Variants in PTPN21 observed in about 807,000 individuals in gnomAD.
PTPN21 encodes the protein tyrosine-protein phosphatase non-receptor type 21.
PTPN21 carries 77 observed loss-of-function variants against 131.8 expected under a neutral mutation model. The observed-to-expected ratio is 0.58, with a 90% CI of 0.49 to 0.71. The LOEUF is 0.71. Among genes scored for constraint, PTPN21 ranks in the 30% least tolerant of loss-of-function variants. PTPN21 has a pLI of 0.00. For synonymous variants in PTPN21, 715 were observed against 621.3 expected, an observed-to-expected ratio of 1.15 and a Z score of -2.24; for missense variants, 1,552 against 1,527.1, an observed-to-expected ratio of 1.02 and a Z score of -0.27.
intron 13 of PTPN21, among the ~76,000 whole-genome samples, chr14:88,478,157 A>G (rs1310836137): frequency 6.6e-6 from 1 of 152,238 alleles, no homozygotes. Flanking sequence ...TGCTTGGCCC[A>G]TGGCAAATGC....
intron 9 of PTPN21, among the ~76,000 whole-genome samples, chr14:88,496,902 A>G (rs891709527): frequency 2.6e-5 from 4 of 152,328 alleles, no homozygotes; most frequent in Non-Finnish European, 4.4e-5. Context: ...TCATTTATCA[A>G]TGAAATTTAA....
intron 2 of PTPN21, among the ~76,000 whole-genome samples, chr14:88,517,666 A>ATATATACACATACG (rs2078296162): frequency 3.3e-4 from 2 of 5,988 alleles, no homozygotes; most frequent in African/African-American, 5.1e-4. Context: ...ATATACACAT[A>ATATATACACATACG]CACACACATA....
chr14:88,496,368 T>C, intron 10 of PTPN21, 45 bp downstream of exon 10: 1 of 1,493,702 alleles, frequency 6.7e-7, no homozygotes, highest in Non-Finnish European at 9.3e-7. Flanking sequence ...TTACAATTTC[T>C]AAATTCATTA....
At chr14:88,476,504 C>T (rs2077549407) in intron 13 of PTPN21, among the ~76,000 whole-genome samples, 1 of 152,142 alleles carries the variant, frequency 6.6e-6, no homozygotes, top group African/African-American at 2.4e-5. Context: ...AAAAGCAAAT[C>T]TTTGGTTAAA....
intron 10 of PTPN21, among the ~76,000 whole-genome samples, chr14:88,490,458 C>T (rs1314997531): frequency 1.3e-5 from 2 of 152,106 alleles, no homozygotes; most frequent in African/African-American, 2.4e-5. Flanking sequence ...TCCTCCTCTC[C>T]CCTCCCACCT....
chr14:88,490,455 C>T (rs1026620842), intron 10 of PTPN21, among the ~76,000 whole-genome samples: 5 of 152,154 alleles, frequency 3.3e-5, no homozygotes, highest in Non-Finnish European at 1.5e-5. Flanking sequence ...TGCTCCTCCT[C>T]TCCCCTCCCA....
chr14:88,485,933 TTCTCAGGC>T, intron 10 of PTPN21, 91 bp from the exon 11 acceptor site: 2 of 777,004 alleles, frequency 2.6e-6, no homozygotes, highest in Admixed American at 5.0e-5. Context: ...ATAATAAATC[TTCTCAGGC>T]AAAAAAAAAG....
chr14:88,547,499 A>C (rs2078800190), intron 2 of PTPN21: 1 of 284,826 alleles, frequency 3.5e-6, no homozygotes, highest in Non-Finnish European at 7.0e-6. Context: ...CAAGTTAAAA[A>C]AAAAATTAGC....
chr14:88,480,175 G>C lies in PTPN21; in HGVS notation c.1256C>G (p.Pro419Arg). The C allele has an allele frequency of 6.2e-7, 1 of 1,614,170 alleles. No individual in the cohort carries two copies. Residue 419 changes from proline (P) to arginine (R), a missense_variant, in exon 13 of 19, where the codon CCT (proline) becomes CGT (arginine). Pro to Arg is a moderately radical substitution (Grantham distance 103). This residue lies in a region of PTPN21 where 1,016 missense variants were observed against 883.5 expected (regional missense o/e 1.15). Transcript: ENST00000556564. ...CATGACGTCACTCCCGGTGATGCTA[G>C]GGTTGGACGACATCGGCGAGGGCTG... ...YLQPSPMSSN[P>R]SITGSDVMRP... is the part of the protein sequence containing the mutation.
At chr14:88,499,547 G>C (rs987648851) in intron 8 of PTPN21, among the ~76,000 whole-genome samples, 1 of 152,034 alleles carries the variant, frequency 6.6e-6, no homozygotes, top group Non-Finnish European at 1.5e-5. Context: ...TTAATAACTG[G>C]GTCACCATGG....
chr14:88,521,631 T>C (rs929700316), intron 2 of PTPN21, among the ~76,000 whole-genome samples: 5 of 150,686 alleles, frequency 3.3e-5, no homozygotes, highest in African/African-American at 1.2e-4. Flanking sequence ...CAGGCTGGTC[T>C]TGAACTCCTG....
intron 10 of PTPN21, among the ~76,000 whole-genome samples, chr14:88,494,833 GAAACCCCATCTCTACTAAAAATACA>G (rs2077880764): frequency 1.3e-5 from 2 of 151,724 alleles, no homozygotes; most frequent in East Asian, 3.9e-4. Flanking sequence ...CCAACATGGT[GAAACCCCATCTCTACTAAAAATACA>G]AAAAATTAGC....
chr14:88,497,318 A>G, intron 8 of PTPN21, 28 bp from the exon 9 acceptor site: 1 of 1,545,218 alleles, frequency 6.5e-7, no homozygotes, highest in Non-Finnish European at 8.9e-7. Context: ...GAGAACTGGC[A>G]ATGTGAGTGC....
rs1480965322 is a variant in PTPN21, at chr14:88,480,269, G to A, written c.1162C>T (p.Arg388Trp). 3.1e-6 allele frequency: 5 copies of A among 1,613,990 alleles called. No individual in the cohort carries two copies. Among genetic ancestry groups the A allele is most frequent in the African/African-American group, 1.3e-5 (1 of 74,920 alleles). ...CTGTAGACACTGCCATTACGGATCCGACCGTTGAGGTCAATCTGGGCTCTA... is the reference window on the plus strand; with the variant it reads ...CTGTAGACACTGCCATTACGGATCCAACCGTTGAGGTCAATCTGGGCTCTA... The part of the protein sequence containing the change: ...LDRAQIDLNG[R>W]IRNGSVYSAH... Residue 388 changes from arginine (R) to tryptophan (W), a missense_variant, in exon 13 of 19, where the codon CGG becomes TGG. Coordinates refer to ENST00000556564, the MANE Select transcript of PTPN21 (RefSeq NM_007039.4).
At chr14:88,488,424 G>A (rs987441227) in intron 10 of PTPN21, among the ~76,000 whole-genome samples, 1 of 152,134 alleles carries the variant, frequency 6.6e-6, no homozygotes, top group Admixed American at 6.5e-5. Flanking sequence ...GCTTGACCCA[G>A]GCAGCCACGC....
At chr14:88,486,974 C>T (rs80007688) in intron 10 of PTPN21, among the ~76,000 whole-genome samples, 4,472 of 142,274 alleles carry the variant, frequency 0.031, 261 homozygotes, top group African/African-American at 0.11. Context: ...GAGATTCTAG[C>T]CTCAAAAAAA....
Position 88,535,248 on chromosome 14 carries a change from C to T in PTPN21, c.180+14990G>A, listed in dbSNP as rs139197892. Among the ~76,000 whole-genome samples, 353 of 152,292 alleles carry T rather than the reference C, an allele frequency of 2.3e-3. 1 individual carries two copies. The highest frequency in any genetic ancestry group is 4.2e-3 in the Non-Finnish European group (286 of 68,010). On this transcript the variant is annotated intron_variant, in intron 2 of 18. Coordinates refer to ENST00000556564, the MANE Select transcript of PTPN21 (RefSeq NM_007039.4). ...AGCAGGTGTGCAGTAGGCTATACCA[C>T]GTAGGTTTAAGTACTCCCTGTGATG...
chr14:88,530,129 C>T (rs886565100), intron 2 of PTPN21, among the ~76,000 whole-genome samples: 2 of 152,124 alleles, frequency 1.3e-5, no homozygotes, highest in East Asian at 3.9e-4. Flanking sequence ...ATATTAGCCT[C>T]CTTAAACAAA....
intron 2 of PTPN21, among the ~76,000 whole-genome samples, chr14:88,542,900 C>A: frequency 6.6e-6 from 1 of 152,288 alleles, no homozygotes; most frequent in Admixed American, 6.5e-5. Flanking sequence ...GTCTCTACCT[C>A]GGTCTTACTT....
Sources: gnomAD v4.1 joint callset for allele counts (sites outside exome capture counted in the v4.1 genomes callset) on GRCh38, gnomAD v4.1.1 for gene constraint, gnomAD v4.1.1 regional missense constraint, MANE v1.5 for transcripts, NCBI Gene and HGNC (gene_info 2026-07-23, HGNC 2026-07-21) for gene names.